DLG3: variants seen among roughly 807,000 people sequenced by gnomAD.
DLG3 encodes the protein disks large homolog 3.
A neutral mutation model predicts 64.1 loss-of-function variants in DLG3; 1 was observed. The ratio of observed to expected loss-of-function variants is 0.02; its 90% confidence interval spans 0.01 to 0.07. The LOEUF is 0.07. DLG3 is among the 10% of genes least tolerant of loss of function. DLG3 has a pLI of 1.00. For missense variants in DLG3, 429 were observed against 669.5 expected (o/e 0.64, Z 3.96); for synonymous variants, 245 against 259.8 (o/e 0.94, Z 0.55).
intron 10 of DLG3, among the ~76,000 whole-genome samples, chrX:70,484,439 G>A (rs1457508587): frequency 8.9e-6 from 1 of 112,379 alleles, no homozygotes; most frequent in East Asian, 2.8e-4. Context: ...GGTGCTTGGT[G>A]GAGCCTGACT....
intron 15 of DLG3, 151 bp from the exon 16 acceptor site, chrX:70,499,725 CG>C (rs2087521389): frequency 1.9e-6 from 1 of 538,501 alleles, no homozygotes; most frequent in Admixed American, 2.8e-5. Flanking sequence ...CCAGACAAAC[CG>C]CTTCCCAACT....
At position 70,490,450 on chromosome X, in the gene DLG3, C is replaced by T. The variant is rs772687375; in HGVS notation, c.1521-1657C>T. On this transcript the variant is annotated intron_variant, in intron 10 of 18. Coordinates refer to ENST00000374360, the MANE Select transcript of DLG3 (RefSeq NM_021120.4). Reference sequence around the variant, plus strand: ...CCCGGAATGCACCTCTCGGACAGCACCTCCTTGTCTGCTGCCTCTGCCATT... The same window carrying T: ...CCCGGAATGCACCTCTCGGACAGCATCTCCTTGTCTGCTGCCTCTGCCATT... Among the ~76,000 whole-genome samples the T allele has an allele frequency of 3.4e-4, 38 of 111,821 alleles. 1 individual carries two copies. Among genetic ancestry groups the T allele is most frequent in the Non-Finnish European group, 5.6e-4 (30 of 53,203 alleles).
In DLG3 at chrX:70,483,999, G is replaced by A. The variant is rs1426759760; in HGVS notation, c.1520+4735G>A. 7.1e-5 allele frequency among the ~76,000 whole-genome samples: 8 copies of A among 112,248 alleles called. No homozygotes were observed. The Admixed American group carries it at 7.6e-4, about 11-fold the overall frequency. ...GGTGTTTAACTCAGACCATTCTGATGTGAAGGCAGTACAAAGACACTGAGT... is the reference window on the plus strand; with the variant it reads ...GGTGTTTAACTCAGACCATTCTGATATGAAGGCAGTACAAAGACACTGAGT... On this transcript the variant is annotated intron_variant, in intron 10 of 18. Transcript: ENST00000374360.
At position 70,503,586 on chromosome X, in the gene DLG3, A is replaced by C. The variant is rs1322566540; in HGVS notation, c.*1317A>C. On this transcript the variant is annotated 3_prime_UTR_variant, in exon 19 of 19. Transcript: ENST00000374360. ...GGCTTGCTTGGCCAGCTGCGTCATG[A>C]GTTTGATTTGGTTTTTTTTTTTTTG... 9.2e-6 allele frequency: 1 copy of C among 108,523 alleles called. No individual in the cohort carries two copies. Among genetic ancestry groups the C allele is most frequent in the African/African-American group, 3.4e-5 (1 of 29,634 alleles). 8.9% of individuals were successfully genotyped at this position (108,523 alleles called of 1,213,427 possible).
intron 10 of DLG3, among the ~76,000 whole-genome samples, chrX:70,488,553 A>C (rs960924905): frequency 2.7e-5 from 3 of 112,116 alleles, no homozygotes; most frequent in African/African-American, 9.7e-5. Context: ...TTGGAAAACA[A>C]ATAAAAGTTA....
chrX:70,493,067 A>G (rs1334958441), intron 12 of DLG3, among the ~76,000 whole-genome samples: 2 of 111,798 alleles, frequency 1.8e-5, no homozygotes, highest in African/African-American at 6.5e-5. Context: ...GTAGATGTGT[A>G]TATCAGTGGT....
chrX:70,445,277 G>C lies in DLG3; in HGVS notation c.76G>C (p.Glu26Gln). 1 of 1,164,877 alleles carries C rather than the reference G, an allele frequency of 8.6e-7. No individual in the cohort carries two copies. Among genetic ancestry groups the C allele is most frequent in the Non-Finnish European group, 1.1e-6 (1 of 873,204 alleles). Reference protein sequence around the residue: ...VTRLAALRRLEPPGYGDWQVP... With the variant: ...VTRLAALRRLQPPGYGDWQVP... ...CCGCCTGGCCGCCCTGCGGCGCCTC[G>C]AGCCTCCGGGCTACGGCGACTGGCA... The change falls in exon 1 of 19, where the codon GAG (glutamate) becomes CAG (glutamine). Residue 26 changes from glutamate to glutamine, a missense_variant. Transcript: ENST00000374360.
intron 9 of DLG3, among the ~76,000 whole-genome samples, chrX:70,478,461 G>A (rs1053246348): frequency 2.7e-5 from 3 of 111,381 alleles, no homozygotes; most frequent in African/African-American, 9.8e-5. Flanking sequence ...GGTGTCAGCC[G>A]ACTTCTCGGT....
chrX:70,451,493 T>A (rs2086618735), intron 6 of DLG3, among the ~76,000 whole-genome samples: 2 of 111,758 alleles, frequency 1.8e-5, no homozygotes, highest in Admixed American at 1.9e-4. Flanking sequence ...TAATGATGTA[T>A]GTGCTGCCTT....
intron 1 of DLG3, 23 bp downstream of exon 1, chrX:70,445,581 G>A (rs2086557967): frequency 1.7e-6 from 2 of 1,158,430 alleles, no homozygotes; most frequent in Non-Finnish European, 2.3e-6. Context: ...GGAGGGGGGA[G>A]CGGTGGGGCA....
intron 18 of DLG3, among the ~76,000 whole-genome samples, chrX:70,501,413 C>CTGTCTGTCTGTGTGTGTG (rs1421730747): frequency 1.1e-4 from 10 of 93,894 alleles, no homozygotes; most frequent in South Asian, 5.5e-4. Flanking sequence ...GTCTGTCTGT[C>CTGTCTGTCTGTGTGTGTG]TGTGTGTGTG....
chrX:70,471,840 G>A (rs776269615), intron 9 of DLG3, among the ~76,000 whole-genome samples: 6 of 111,026 alleles, frequency 5.4e-5, no homozygotes, highest in South Asian at 7.7e-4. Context: ...CTTATACTAT[G>A]TCAGGCCTTT....
intron 2 of DLG3, among the ~76,000 whole-genome samples, 188 bp from the exon 3 acceptor site, chrX:70,449,171 T>C (rs747441899): frequency 9.0e-6 from 1 of 111,201 alleles, no homozygotes; most frequent in South Asian, 3.8e-4. Flanking sequence ...GCCTGGGGAA[T>C]TGGGGAGGGG....
At chrX:70,454,913 T>C (rs1300818375) in intron 9 of DLG3, among the ~76,000 whole-genome samples, 1 of 112,953 alleles carries the variant, frequency 8.9e-6, no homozygotes, top group Non-Finnish European at 1.9e-5. Flanking sequence ...GCGGGGCTGG[T>C]CATGCAAATA....
rs2087614129 is a variant in DLG3 at position 70,504,098 on chromosome X, A to T, written c.*1829A>T. The T allele has an allele frequency of 2.7e-5, 3 of 112,000 alleles. No individual in the cohort carries two copies. Among genetic ancestry groups the T allele is most frequent in the Admixed American group, 9.5e-5 (1 of 10,521 alleles). 9.2% of individuals were successfully genotyped at this position (112,000 alleles called of 1,213,427 possible). A position where few individuals can be genotyped will look rare whatever the true frequency, so the allele number is the denominator to read the frequency against. On this transcript the variant is annotated 3_prime_UTR_variant, in exon 19 of 19. Transcript: ENST00000374360. Reference sequence around the variant, plus strand: ...ATAAAGCATGGGACCCAGGATGAGGATAAGGAAAGGACAGCGGCTTTCCCT... The same window carrying T: ...ATAAAGCATGGGACCCAGGATGAGGTTAAGGAAAGGACAGCGGCTTTCCCT...
At position 70,454,390 on chromosome X, in the gene DLG3, C is replaced by G. The variant is rs747567215; in HGVS notation, c.1405+74C>G. 7.5e-6 allele frequency: 7 copies of G among 936,447 alleles called. No individual in the cohort carries two copies. The African/African-American group carries it at 1.3e-4, about 18-fold the overall frequency. The allele number at this position is 936,447 out of a possible 1,213,427, so 77.2% of individuals were successfully genotyped here. ...TATTATGTGTTGGCTTTTTGCCATCCTAGGTAACAAAGCCACTTGACCAGG... is the reference window on the plus strand; with the variant it reads ...TATTATGTGTTGGCTTTTTGCCATCGTAGGTAACAAAGCCACTTGACCAGG... On this transcript the variant is annotated intron_variant, in intron 9 of 18. Coordinates refer to ENST00000374360, the MANE Select transcript of DLG3 (RefSeq NM_021120.4).
intron 9 of DLG3, 68 bp downstream of exon 9, chrX:70,454,384 G>A (rs1407255709): frequency 1.0e-6 from 1 of 972,475 alleles, no homozygotes. Context: ...TTGGCTTTTT[G>A]CCATCCTAGG....
At chrX:70,454,086 G>T (rs1260825469) in intron 8 of DLG3, 128 bp from the exon 9 acceptor site, 5 of 573,281 alleles carry the variant, frequency 8.7e-6, no homozygotes, top group East Asian at 7.2e-5. Context: ...TAGGGGCAAG[G>T]TTGGAATATT....
chrX:70,453,920 C>A, intron 8 of DLG3, 127 bp downstream of exon 8: 1 of 708,944 alleles, frequency 1.4e-6, no homozygotes, highest in Non-Finnish European at 2.0e-6. Flanking sequence ...GAGAAAACTT[C>A]TCTTGTTTTT....
Sources: allele counts gnomAD v4.1 joint callset (sites outside exome capture counted in the v4.1 genomes callset), GRCh38; gene constraint gnomAD v4.1.1; transcripts MANE v1.5; gene names NCBI Gene and HGNC (gene_info 2026-07-23, HGNC 2026-07-21).